TRPS1: variants seen among roughly 807,000 people sequenced by gnomAD.
TRPS1 encodes the protein transcriptional repressor GATA binding 1.
In TRPS1, 6 loss-of-function variants were observed where a neutral mutation model predicts 101.2. The observed-to-expected ratio is 0.06, with a 90% CI of 0.03 to 0.12. The LOEUF (loss-of-function observed/expected upper bound fraction) is 0.12. Among genes scored for constraint, TRPS1 ranks in the 10% least tolerant of loss-of-function variants. TRPS1 has a pLI of 1.00. For missense variants in TRPS1, 1,363 were observed against 1,567.0 expected (o/e 0.87, Z 2.20); for synonymous variants, 578 against 589.8 (o/e 0.98, Z 0.29).
rs186559093 is a variant in TRPS1 at position 115,408,637 on chromosome 8, T to C, written c.*5386A>G. On this transcript the variant is annotated 3_prime_UTR_variant, in exon 7 of 7. Transcript: ENST00000395715. ...CATGCACTATGAAAACAAAATAAAA[T>C]AAAACGAAAAAATTTCATGTGTTGT... 8.5e-4 allele frequency: 128 copies of C among 151,376 alleles called. No individual in the cohort carries two copies. The highest frequency in any genetic ancestry group is 2.9e-3 in the African/African-American group (121 of 41,214). The allele number at this position is 151,376 out of a possible 1,614,324, so 9.4% of individuals were successfully genotyped here.
chr8:115,486,004 A>T (rs1270905249), intron 5 of TRPS1, among the ~76,000 whole-genome samples: 1 of 152,220 alleles, frequency 6.6e-6, no homozygotes, highest in African/African-American at 2.4e-5. Flanking sequence ...ACTTTGTCTT[A>T]TTAGGCTTTG....
chr8:115,622,340 A>G (rs1818414342), intron 2 of TRPS1, among the ~76,000 whole-genome samples: 1 of 152,160 alleles, frequency 6.6e-6, no homozygotes, highest in African/African-American at 2.4e-5. Context: ...CAGAAAACCG[A>G]AGGGCAATTT....
intron 5 of TRPS1, among the ~76,000 whole-genome samples, chr8:115,508,012 CTAAAA>C (rs1444286809): frequency 5.3e-5 from 8 of 151,882 alleles, no homozygotes; most frequent in African/African-American, 1.7e-4. Flanking sequence ...ACTTGCCTGT[CTAAAA>C]TAAAAAAGCA....
At chr8:115,581,942 C>A (rs1025225125) in intron 5 of TRPS1, among the ~76,000 whole-genome samples, 11 of 152,096 alleles carry the variant, frequency 7.2e-5, no homozygotes, top group African/African-American at 2.7e-4. Flanking sequence ...TGCATATAGT[C>A]AATAGTTTTT....
intron 5 of TRPS1, among the ~76,000 whole-genome samples, chr8:115,449,382 T>C (rs1184990421): frequency 6.6e-6 from 1 of 152,226 alleles, no homozygotes; most frequent in Non-Finnish European, 1.5e-5. Context: ...GGAAATGGAT[T>C]TTCTGCACTT....
At chr8:115,622,500 A>T (rs1818418146) in intron 2 of TRPS1, among the ~76,000 whole-genome samples, 1 of 152,188 alleles carries the variant, frequency 6.6e-6, no homozygotes, top group South Asian at 2.1e-4. Context: ...GTAATCAAAC[A>T]TTCCTACACA....
At chr8:115,450,780 A>G (rs968172490) in intron 5 of TRPS1, among the ~76,000 whole-genome samples, 1 of 152,174 alleles carries the variant, frequency 6.6e-6, no homozygotes, top group Non-Finnish European at 1.5e-5. Context: ...CCTCAATAAA[A>G]ACAAATTAAC....
chr8:115,539,714 C>T (rs1403951110), intron 5 of TRPS1, among the ~76,000 whole-genome samples: 1 of 152,074 alleles, frequency 6.6e-6, no homozygotes, highest in Non-Finnish European at 1.5e-5. Flanking sequence ...CAAAATTAGC[C>T]AGGCATGGTG....
intron 5 of TRPS1, among the ~76,000 whole-genome samples, chr8:115,449,091 G>C (rs1360675787): frequency 6.6e-6 from 1 of 152,106 alleles, no homozygotes; most frequent in Non-Finnish European, 1.5e-5. Flanking sequence ...ATTTGAAAAG[G>C]TCATTATTTG....
chr8:115,621,517 T>C (rs1274261195), intron 2 of TRPS1, among the ~76,000 whole-genome samples: 2 of 152,232 alleles, frequency 1.3e-5, no homozygotes, highest in African/African-American at 2.4e-5. Flanking sequence ...AAAATTTTTA[T>C]ATGAATCACT....
intron 1 of TRPS1, among the ~76,000 whole-genome samples, chr8:115,642,842 G>GAAAAAA (rs55943562): frequency 7.7e-5 from 11 of 143,208 alleles, no homozygotes; most frequent in African/African-American, 2.8e-4. Context: ...CTTACTTCGT[G>GAAAAAA]AAAAAAAATA....
chr8:115,460,654 G>A (rs941414601), intron 5 of TRPS1, among the ~76,000 whole-genome samples: 9 of 151,858 alleles, frequency 5.9e-5, no homozygotes, highest in African/African-American at 1.2e-4. Context: ...AAACTTAACT[G>A]TTTTTTTCTT....
chr8:115,493,956 T>C (rs1350104138), intron 5 of TRPS1, among the ~76,000 whole-genome samples: 1 of 152,190 alleles, frequency 6.6e-6, no homozygotes, highest in Non-Finnish European at 1.5e-5. Context: ...ATAAAAAATA[T>C]ATTCCACATA....
chr8:115,580,245 A>AAAAATATAT (rs1554591592), intron 5 of TRPS1, among the ~76,000 whole-genome samples: 6 of 139,868 alleles, frequency 4.3e-5, no homozygotes, highest in African/African-American at 1.6e-4. Context: ...AAAAAAAAAA[A>AAAAATATAT]ATATATATAT....
At chr8:115,642,309 G>A (rs1362520595) in intron 1 of TRPS1, among the ~76,000 whole-genome samples, 3 of 272 alleles carry the variant, frequency 0.011, no homozygotes, top group East Asian at 0.12. Flanking sequence ...TCATATATCC[G>A]ATATGAATCC....
At position 115,536,448 on chromosome 8, in the gene TRPS1, G is replaced by A. The variant is rs192231609; in HGVS notation, c.2700+50553C>T. Among the ~76,000 whole-genome samples, 902 of 150,348 alleles carry A rather than the reference G, an allele frequency of 6.0e-3. 24 individuals are homozygous for A. Among genetic ancestry groups the A allele is most frequent in the Admixed American group, 0.044 (668 of 15,080 alleles). ...TGAGGCAGGAGAATGGCGTGAACCCGGGAGGCGGAGCTTGCAGTGAGCGGA... is the reference window on the plus strand; with the variant it reads ...TGAGGCAGGAGAATGGCGTGAACCCAGGAGGCGGAGCTTGCAGTGAGCGGA... On this transcript the variant is annotated intron_variant, in intron 5 of 6. Coordinates refer to ENST00000395715, the MANE Select transcript of TRPS1 (RefSeq NM_014112.5).
intron 5 of TRPS1, among the ~76,000 whole-genome samples, chr8:115,573,876 G>A (rs1586417785): frequency 6.6e-6 from 1 of 152,032 alleles, no homozygotes; most frequent in East Asian, 1.9e-4. Context: ...CCTTCATGCT[G>A]TCATATTCAC....
At chr8:115,551,358 G>A (rs1487566944) in intron 5 of TRPS1, among the ~76,000 whole-genome samples, 1 of 152,080 alleles carries the variant, frequency 6.6e-6, no homozygotes. Context: ...GTTTCCAAAA[G>A]TCAACAGCTT....
intron 5 of TRPS1, among the ~76,000 whole-genome samples, chr8:115,537,440 C>A (rs1816349349): frequency 6.6e-6 from 1 of 152,040 alleles, no homozygotes; most frequent in African/African-American, 2.4e-5. Flanking sequence ...CATTAACAAC[C>A]ACAGAAACTT....
Sources: allele counts gnomAD v4.1 joint callset (sites outside exome capture counted in the v4.1 genomes callset), GRCh38; gene constraint gnomAD v4.1.1; transcripts MANE v1.5; gene names NCBI Gene and HGNC (gene_info 2026-07-23, HGNC 2026-07-21).